ACOXL: variants seen among roughly 807,000 people sequenced by gnomAD.
The protein encoded by ACOXL is acyl-coenzyme A oxidase-like protein.
In ACOXL, 70 loss-of-function variants were observed where a neutral mutation model predicts 71.9. The ratio of observed to expected loss-of-function variants is 0.97; its 90% confidence interval spans 0.80 to 1.19. The LOEUF (loss-of-function observed/expected upper bound fraction) is 1.19. ACOXL is among the 50% of genes most tolerant of loss of function. ACOXL has a pLI of 0.00. For missense variants in ACOXL, 703 were observed against 736.3 expected, an observed-to-expected ratio of 0.95 and a Z score of 0.52; for synonymous variants, 253 against 281.6, an observed-to-expected ratio of 0.90 and a Z score of 1.02.
chr2:110,995,499 CAAAAAAA>C lies in ACOXL; in HGVS notation c.1170-381_1170-375del, dbSNP rs567318996. On this transcript the variant is annotated intron_variant, in intron 13 of 17. Transcript: ENST00000439055. ...TGGGAAACAGAGTGAGACTCTGTCT[CAAAAAAA>C]AAAAAAAAAAAAGAATTGTATAATG... Among the ~76,000 whole-genome samples, 4 of 67,290 alleles carry C rather than the reference CAAAAAAA, an allele frequency of 5.9e-5. 1 individual carries two copies. Among genetic ancestry groups the C allele is most frequent in the Non-Finnish European group, 7.5e-5 (3 of 40,244 alleles). 44.1% of individuals were successfully genotyped at this position (67,290 alleles called of 152,430 possible).
intron 14 of ACOXL, among the ~76,000 whole-genome samples, chr2:111,008,224 A>C (rs201530210): frequency 6.6e-6 from 1 of 152,086 alleles, no homozygotes; most frequent in Non-Finnish European, 1.5e-5. Context: ...GGTTTCCTCT[A>C]TATCCTGGTT....
chr2:110,853,361 G>T (rs569204145), intron 10 of ACOXL, among the ~76,000 whole-genome samples: 1 of 152,158 alleles, frequency 6.6e-6, no homozygotes, highest in African/African-American at 2.4e-5. Flanking sequence ...AACTGCCCTC[G>T]ACTGAGAGCT....
intron 15 of ACOXL, among the ~76,000 whole-genome samples, chr2:111,047,232 T>C (rs2066059857): frequency 1.3e-5 from 2 of 152,206 alleles, no homozygotes; most frequent in Admixed American, 1.3e-4. Context: ...GTGGGTGCTA[T>C]GTCTATGATA....
chr2:110,971,583 C>A (rs113468436), intron 12 of ACOXL, among the ~76,000 whole-genome samples: 1 of 152,086 alleles, frequency 6.6e-6, no homozygotes, highest in Non-Finnish European at 1.5e-5. Flanking sequence ...ATGTTGTAAA[C>A]GGTCTTGATG....
At chr2:111,109,302 T>A (rs757418086) in intron 17 of ACOXL, among the ~76,000 whole-genome samples, 35 of 152,250 alleles carry the variant, frequency 2.3e-4, no homozygotes, top group Non-Finnish European at 4.7e-4. Context: ...TTGTGGAAGA[T>A]GTTTTATTAT....
At chr2:110,817,759 G>T (rs1688082336) in intron 9 of ACOXL, among the ~76,000 whole-genome samples, 1 of 152,124 alleles carries the variant, frequency 6.6e-6, no homozygotes, top group South Asian at 2.1e-4. Context: ...CAAGAGTGTT[G>T]CAGAATCAAG....
Position 111,006,557 on chromosome 2 carries a change from CT to C in ACOXL, c.1281+10565del, listed in dbSNP as rs376617252. ...TTCTTTTGTTTTGTGGTGTTTCCCTCTTTTTTTTTTTTCTTTTTTGAGATGA... is the reference window on the plus strand; with the variant it reads ...TTCTTTTGTTTTGTGGTGTTTCCCTCTTTTTTTTTTTCTTTTTTGAGATGA... On this transcript the variant is annotated intron_variant, in intron 14 of 17. Coordinates refer to ENST00000439055, the MANE Select transcript of ACOXL (RefSeq NM_001142807.4). Among the ~76,000 whole-genome samples, 1,098 of 145,298 alleles carry C rather than the reference CT, an allele frequency of 7.6e-3. 13 individuals carry two copies. Among genetic ancestry groups the C allele is most frequent in the African/African-American group, 0.022 (868 of 39,902 alleles).
intron 16 of ACOXL, among the ~76,000 whole-genome samples, chr2:111,064,253 A>G (rs539863065): frequency 2.0e-5 from 3 of 152,052 alleles, no homozygotes; most frequent in African/African-American, 7.2e-5. Flanking sequence ...TGGCTAACAC[A>G]GTGAAACCCC....
At chr2:111,109,210 G>GA (rs2069767926) in intron 17 of ACOXL, among the ~76,000 whole-genome samples, 1 of 152,024 alleles carries the variant, frequency 6.6e-6, no homozygotes, top group South Asian at 2.1e-4. Flanking sequence ...AGTTTGTATT[G>GA]AAAAAAATGT....
rs1158946196 is a variant in ACOXL, at chr2:111,118,493, T to C, written c.*677T>C. On this transcript the variant is annotated 3_prime_UTR_variant, in exon 18 of 18. Transcript: ENST00000439055. ...ATTTTTACCATCTGACGCTGTAGTC[T>C]GTCCTTTAGAAGAGAATAGGTGAAA... 6.6e-6 allele frequency among the ~76,000 whole-genome samples: 1 copy of C among 152,198 alleles called. No individual in the cohort carries two copies. Among genetic ancestry groups the C allele is most frequent in the Admixed American group, 6.5e-5 (1 of 15,282 alleles).
At chr2:111,109,806 G>A (rs1255269931) in intron 17 of ACOXL, among the ~76,000 whole-genome samples, 3 of 148,660 alleles carry the variant, frequency 2.0e-5, no homozygotes, top group Admixed American at 1.4e-4. Flanking sequence ...AGCCTCCCAA[G>A]TAGCTGGGAT....
chr2:110,956,884 A>G (rs1048812926), intron 12 of ACOXL, among the ~76,000 whole-genome samples: 9 of 152,182 alleles, frequency 5.9e-5, no homozygotes, highest in African/African-American at 2.2e-4. Flanking sequence ...CTGAAATGGG[A>G]CACAACCTTC....
chr2:110,929,330 G>T (rs1171607185), intron 11 of ACOXL, among the ~76,000 whole-genome samples: 1 of 152,146 alleles, frequency 6.6e-6, no homozygotes, highest in Non-Finnish European at 1.5e-5. Flanking sequence ...GTGGCATTTT[G>T]CCCCGGCCCT....
At chr2:110,803,861 A>G (rs1367017418) in intron 8 of ACOXL, among the ~76,000 whole-genome samples, 2 of 152,198 alleles carry the variant, frequency 1.3e-5, no homozygotes, top group African/African-American at 4.8e-5. Context: ...AAAAATCTGA[A>G]TAGACATTTC....
chr2:110,735,778 G>A (rs1471204860), intron 1 of ACOXL, among the ~76,000 whole-genome samples: 1 of 152,192 alleles, frequency 6.6e-6, no homozygotes, highest in Non-Finnish European at 1.5e-5. Flanking sequence ...TGGGTGACTG[G>A]CGGCTCCTCA....
intron 14 of ACOXL, among the ~76,000 whole-genome samples, chr2:111,012,136 A>AT (rs1192069879): frequency 6.6e-6 from 1 of 152,232 alleles, no homozygotes; most frequent in Non-Finnish European, 1.5e-5. Flanking sequence ...GCTTTGTTTT[A>AT]TTGCATACTG....
chr2:110,915,362 GTGTGTGTGTGTGTGTGTGTATGTA>G (rs1208857895), intron 11 of ACOXL, among the ~76,000 whole-genome samples: 2 of 134,120 alleles, frequency 1.5e-5, no homozygotes, highest in Middle Eastern at 3.7e-3. Flanking sequence ...GTGTGTGTGT[GTGTGTGTGTGTGTGTGTGTATGTA>G]TGTGTGTGTG....
chr2:110,774,581 C>G (rs1682400786), intron 2 of ACOXL, among the ~76,000 whole-genome samples: 1 of 152,026 alleles, frequency 6.6e-6, no homozygotes, highest in Non-Finnish European at 1.5e-5. Flanking sequence ...ATCATAGCAT[C>G]AAAAAGAATA....
chr2:110,879,589 T>C (rs555059704), intron 10 of ACOXL, among the ~76,000 whole-genome samples: 15 of 152,030 alleles, frequency 9.9e-5, no homozygotes, highest in Non-Finnish European at 2.1e-4. Flanking sequence ...GATTAACATG[T>C]ATTTAATCTA....
Sources: allele counts gnomAD v4.1 joint callset (sites outside exome capture counted in the v4.1 genomes callset), GRCh38; gene constraint gnomAD v4.1.1; transcripts MANE v1.5; gene names NCBI Gene and HGNC (gene_info 2026-07-23, HGNC 2026-07-21).